RIBC2: variants seen among roughly 807,000 people sequenced by gnomAD.
The protein encoded by RIBC2 is RIB43A-like with coiled-coils protein 2.
A neutral mutation model predicts 44.3 loss-of-function variants in RIBC2; 40 were observed. That is an observed-to-expected ratio of 0.90 (90% confidence interval 0.70 to 1.18). The LOEUF is 1.18. Among genes scored for constraint, RIBC2 ranks in the 50% most tolerant of loss-of-function variants. The pLI, the probability that RIBC2 is intolerant of heterozygous loss-of-function variation, is 0.00. For missense variants in RIBC2, 459 were observed against 485.5 expected, an observed-to-expected ratio of 0.95 and a Z score of 0.51; for synonymous variants, 171 against 175.0, an observed-to-expected ratio of 0.98 and a Z score of 0.18.
chr22:45,424,131 C>T (rs565217153), intron 4 of RIBC2, among the ~76,000 whole-genome samples: 1 of 152,332 alleles, frequency 6.6e-6, no homozygotes, highest in African/African-American at 2.4e-5. Flanking sequence ...CGGCTCCTCA[C>T]GTGGATGCCA....
Position 45,432,339 on chromosome 22 carries a change from C to T in RIBC2, c.1126C>T (p.Gln376Ter), listed in dbSNP as rs772961594. 4 of 1,596,950 alleles carry T rather than the reference C, an allele frequency of 2.5e-6. No homozygotes were observed. The highest frequency in any genetic ancestry group is 3.4e-6 in the Non-Finnish European group (4 of 1,166,420). ...TNQPTGDYFT[Q>*]FNTGSR ...TCAACCCACGGGAGACTATTTCACA[C>T]AATTTAATACAGGAAGTCGATAATG... The change falls in exon 7 of 7, where the codon CAA becomes TAA. Residue 376 changes from glutamine (Q) to a stop codon, truncating the protein, a stop_gained. Coordinates refer to ENST00000614167, the MANE Select transcript of RIBC2 (RefSeq NM_015653.5). LOFTEE classifies it high-confidence loss of function.
Position 45,417,762 on chromosome 22 carries a change from G to C in RIBC2, c.372G>C (p.Lys124Asn), listed in dbSNP as rs150157868. ...EFDLSDPLALKKDLPARQSDN... is the reference protein window; with the variant it reads ...EFDLSDPLALNKDLPARQSDN... ...ATCTGTCCGACCCCCTAGCCCTTAA[G>C]AAAGATCTTCCAGCCCGGCAGTCAG... Residue 124 changes from lysine (K) to asparagine (N), a missense_variant, in exon 3 of 7, where the codon AAG becomes AAC. Transcript: ENST00000614167. 75 of 1,614,130 alleles carry C rather than the reference G, an allele frequency of 4.6e-5. No individual in the cohort carries two copies. In the African/African-American group the frequency reaches 9.9e-4, roughly 21 times the overall value.
intron 3 of RIBC2, among the ~76,000 whole-genome samples, chr22:45,421,799 T>C (rs1032229470): frequency 1.3e-5 from 2 of 151,794 alleles, no homozygotes; most frequent in Non-Finnish European, 2.9e-5. Flanking sequence ...CCTCCTACTC[T>C]TCCTCTTTCT....
chr22:45,425,608 G>C (rs930036551), intron 4 of RIBC2, among the ~76,000 whole-genome samples: 1 of 152,198 alleles, frequency 6.6e-6, no homozygotes, highest in African/African-American at 2.4e-5. Context: ...CAGGGGCATA[G>C]AGCCCTGCCT....
At chr22:45,428,812 C>G (rs1186875627) in intron 5 of RIBC2, among the ~76,000 whole-genome samples, 1 of 152,144 alleles carries the variant, frequency 6.6e-6, no homozygotes, top group Non-Finnish European at 1.5e-5. Context: ...GGGTCATAGT[C>G]AGATGACTGG....
At position 45,413,720 on chromosome 22, in the gene RIBC2, G is replaced by A. The variant is rs1334863226; in HGVS notation, c.-167G>A. The A allele has an allele frequency of 8.6e-7, 1 of 1,159,204 alleles. No homozygotes were observed. Among genetic ancestry groups the A allele is most frequent in the East Asian group, 2.6e-5 (1 of 38,708 alleles). The allele number at this position is 1,159,204 out of a possible 1,614,324, so 71.8% of individuals were successfully genotyped here. ...TGTTGACATTTCCGAGAGAGCGGGA[G>A]CGTCTGTACCTCTGCGGCGTCACTG... On this transcript the variant is annotated 5_prime_UTR_variant, in exon 1 of 7. Coordinates refer to ENST00000614167, the MANE Select transcript of RIBC2 (RefSeq NM_015653.5).
chr22:45,428,155 C>T (rs1332026712), intron 5 of RIBC2, among the ~76,000 whole-genome samples: 2 of 152,206 alleles, frequency 1.3e-5, no homozygotes, highest in African/African-American at 4.8e-5. Flanking sequence ...CATGCTCAGG[C>T]TAAACGCTGG....
intron 3 of RIBC2, chr22:45,418,255 A>G (rs2087445735): frequency 4.6e-6 from 1 of 216,208 alleles, no homozygotes; most frequent in Admixed American, 5.1e-5. Flanking sequence ...GTAACTCAGA[A>G]TCGGTCCCTG....
At chr22:45,428,099 G>A (rs555449713) in intron 5 of RIBC2, among the ~76,000 whole-genome samples, 33 of 152,320 alleles carry the variant, frequency 2.2e-4, no homozygotes, top group African/African-American at 6.7e-4. Context: ...GAGGAAAGGT[G>A]TTTGGGAGGG....
chr22:45,418,694 G>A (rs1198213356), intron 3 of RIBC2, among the ~76,000 whole-genome samples: 3 of 152,186 alleles, frequency 2.0e-5, no homozygotes, highest in Non-Finnish European at 4.4e-5. Flanking sequence ...AGAGAGGAAT[G>A]CACTCCGCCT....
chr22:45,424,355 G>A (rs1047467746), intron 4 of RIBC2, among the ~76,000 whole-genome samples: 1 of 150,124 alleles, frequency 6.7e-6, no homozygotes, highest in Non-Finnish European at 1.5e-5. Context: ...GTGGCATCAG[G>A]GTGTGGCACG....
chr22:45,431,709 C>A (rs1464822315), intron 6 of RIBC2, among the ~76,000 whole-genome samples: 5 of 152,238 alleles, frequency 3.3e-5, no homozygotes, highest in African/African-American at 1.2e-4. Context: ...GTGGCTCACG[C>A]CTGTAATCCC....
chr22:45,417,897 G>A lies in RIBC2; in HGVS notation c.507G>A (p.Leu169=), dbSNP rs1346769853. 2 of 1,613,468 alleles carry A rather than the reference G, an allele frequency of 1.2e-6. No individual in the cohort carries two copies. The highest frequency in any genetic ancestry group is 1.1e-5 in the South Asian group (1 of 91,060). Residue 169 remains leucine (L), a synonymous_variant, in exon 3 of 7, where the codon TTG becomes TTA. Transcript: ENST00000614167. ...FQEEQNREWS[L]QQQREWKNAR... ...AGGAACAAAACAGAGAATGGTCTTT[G>A]CAGCAGCAAAGGGAATGGAAGAACG...
intron 3 of RIBC2, among the ~76,000 whole-genome samples, chr22:45,419,090 C>G (rs1355656573): frequency 1.3e-5 from 2 of 152,210 alleles, no homozygotes; most frequent in Admixed American, 1.3e-4. Context: ...CACACCAGTG[C>G]TCTCCTCTAC....
In RIBC2 at chr22:45,432,329, C is replaced by T; in HGVS notation, c.1116C>T (p.Asp372=). Residue 372 remains aspartate, a synonymous_variant, in exon 7 of 7, where the codon GAC becomes GAT. Transcript: ENST00000614167. The part of the protein sequence containing the change: ...NEVYTNQPTG[D]YFTQFNTGSR ...TCTATACAAATCAACCCACGGGAGA[C>T]TATTTCACACAATTTAATACAGGAA... The T allele has an allele frequency of 6.2e-7, 1 of 1,600,834 alleles. No homozygotes were observed. The highest frequency in any genetic ancestry group is 1.1e-5 in the South Asian group (1 of 90,050).
intron 6 of RIBC2, 126 bp downstream of exon 6, chr22:45,431,192 C>T: frequency 8.8e-7 from 1 of 1,132,422 alleles, no homozygotes; most frequent in Non-Finnish European, 1.2e-6. Flanking sequence ...CATCTGGACA[C>T]TGTGGACCTC....
chr22:45,421,499 T>TTAATAATAGTATTATTAATAA (rs1201705453), intron 3 of RIBC2, among the ~76,000 whole-genome samples: 2 of 35,170 alleles, frequency 5.7e-5, no homozygotes, highest in Non-Finnish European at 4.3e-5. Context: ...ATTATTATTA[T>TTAATAATAGTATTATTAATAA]TAATAATAGT....
rs1602108084 is a variant in RIBC2, at chr22:45,413,745, G to A, written c.-142G>A. On this transcript the variant is annotated 5_prime_UTR_variant, in exon 1 of 7. Transcript: ENST00000614167. ...GCGTCTGTACCTCTGCGGCGTCACTGGGAGCCCGACGGAAAACTGCGCTAA... is the reference window on the plus strand; with the variant it reads ...GCGTCTGTACCTCTGCGGCGTCACTAGGAGCCCGACGGAAAACTGCGCTAA... The A allele has an allele frequency of 2.8e-5, 36 of 1,276,072 alleles. No homozygotes were observed. In the East Asian group the frequency reaches 8.7e-4, roughly 31 times the overall value. 79.0% of individuals were successfully genotyped at this position (1,276,072 alleles called of 1,614,324 possible).
intron 5 of RIBC2, 113 bp downstream of exon 5, chr22:45,426,288 C>A: frequency 1.2e-6 from 1 of 851,378 alleles, no homozygotes; most frequent in South Asian, 1.7e-5. Context: ...TAGCACCTGC[C>A]CTCAAGGAGT....
Sources: allele counts gnomAD v4.1 joint callset (sites outside exome capture counted in the v4.1 genomes callset), GRCh38; gene constraint gnomAD v4.1.1; transcripts MANE v1.5; gene names NCBI Gene and HGNC (gene_info 2026-07-23, HGNC 2026-07-21).